Variants in COL21A1 observed in about 807,000 individuals in gnomAD.
The protein encoded by COL21A1 is collagen alpha-1(XXI) chain.
In COL21A1, 149 loss-of-function variants were observed where a neutral mutation model predicts 137.9. That is an observed-to-expected ratio of 1.08 (90% CI 0.95 to 1.24). The LOEUF is 1.24. COL21A1 is among the 50% of genes most tolerant of loss of function. The probability of loss-of-function intolerance (pLI) is 0.00; values close to 1 mark genes in which losing one functional copy is unlikely to be tolerated. For missense variants in COL21A1, 1,167 were observed against 1,158.4 expected (o/e 1.01, Z -0.11); for synonymous variants, 456 against 391.5 (o/e 1.16, Z -1.95).
intron 1 of COL21A1, among the ~76,000 whole-genome samples, chr6:56,216,960 C>A (rs931278879): frequency 3.0e-4 from 45 of 151,934 alleles, no homozygotes; most frequent in Non-Finnish European, 5.3e-4. Flanking sequence ...CCAAAGCAAC[C>A]TACAAGTATT....
rs148872462 is a variant in COL21A1, at chr6:56,169,767, A to G, written c.1026+882T>C. Among the ~76,000 whole-genome samples the G allele has an allele frequency of 4.7e-3, 717 of 152,072 alleles. 11 individuals carry two copies. Among genetic ancestry groups the G allele is most frequent in the African/African-American group, 0.017 (689 of 41,548 alleles). The stretch of plus-strand genomic sequence containing the variant: ...CACATTTTCCCATCCACACTCCACT[A>G]ACACTTTGTACTTCTATTTCATACC... On this transcript the variant is annotated intron_variant, in intron 5 of 29. Coordinates refer to ENST00000244728, the MANE Select transcript of COL21A1 (RefSeq NM_030820.4).
chr6:56,129,058 G>A lies in COL21A1; in HGVS notation c.1543-2909C>T, dbSNP rs146766425. Among the ~76,000 whole-genome samples, 44 of 152,276 alleles carry A rather than the reference G, an allele frequency of 2.9e-4. No individual in the cohort carries two copies. The East Asian group carries it at 6.4e-3, about 22-fold the overall frequency. ...AAATAAACTTTCGTGTTTCTGCTAC[G>A]GTGGAGGACAGATTCACTTGGCTAC... On this transcript the variant is annotated intron_variant, in intron 12 of 29. Transcript: ENST00000244728.
At chr6:56,236,579 G>T (rs1246094656) in intron 1 of COL21A1, among the ~76,000 whole-genome samples, 1 of 151,944 alleles carries the variant, frequency 6.6e-6, no homozygotes. Context: ...CAAAAGGCTG[G>T]GTCAAGCCCC....
At chr6:56,221,663 G>A (rs1351785929) in intron 1 of COL21A1, among the ~76,000 whole-genome samples, 1 of 152,068 alleles carries the variant, frequency 6.6e-6, no homozygotes, top group African/African-American at 2.4e-5. Flanking sequence ...GTTCCAGGCT[G>A]CAGTGAGCCA....
chr6:56,376,741 G>A (rs1015727838), intron 1 of COL21A1, among the ~76,000 whole-genome samples: 3 of 152,072 alleles, frequency 2.0e-5, no homozygotes, highest in African/African-American at 7.2e-5. Context: ...AATAGGATAG[G>A]GGTCTTGAGA....
At chr6:56,205,745 G>A (rs544840417) in intron 1 of COL21A1, among the ~76,000 whole-genome samples, 2 of 152,170 alleles carry the variant, frequency 1.3e-5, no homozygotes, top group Non-Finnish European at 2.9e-5. Flanking sequence ...GAAAGGTTGG[G>A]TTACCCACGA....
intron 10 of COL21A1, among the ~76,000 whole-genome samples, chr6:56,148,338 CAGAGAGAG>C (rs150898619): frequency 5.3e-5 from 7 of 133,176 alleles, no homozygotes; most frequent in African/African-American, 1.7e-4. Context: ...AGACAAGAGA[CAGAGAGAG>C]AGAGAGAGAG....
intron 16 of COL21A1, among the ~76,000 whole-genome samples, chr6:56,118,155 A>G (rs900758210): frequency 2.2e-4 from 33 of 151,856 alleles, no homozygotes; most frequent in African/African-American, 7.5e-4. Context: ...TTTTTTTTGA[A>G]AAGACAAACA....
In COL21A1 at chr6:56,192,583, A is replaced by G. The variant is rs145037727; in HGVS notation, c.-38-9927T>C. 1.5e-3 allele frequency among the ~76,000 whole-genome samples: 235 copies of G among 152,340 alleles called. 1 individual carries two copies. The highest frequency in any genetic ancestry group is 5.4e-3 in the African/African-American group (225 of 41,576). ...TTTATGCAGCCAACAAGCATATGAA[A>G]AAAGCTCATCATTACTGGTCATTAG... On this transcript the variant is annotated intron_variant, in intron 1 of 29. Coordinates refer to ENST00000244728, the MANE Select transcript of COL21A1 (RefSeq NM_030820.4).
chr6:56,160,039 G>T (rs1235062219), intron 9 of COL21A1, among the ~76,000 whole-genome samples: 6 of 152,110 alleles, frequency 3.9e-5, no homozygotes. Context: ...TGTAGGTTCT[G>T]CTATTGCTGT....
chr6:56,108,601 A>C (rs1258053158), intron 16 of COL21A1, among the ~76,000 whole-genome samples: 1 of 151,996 alleles, frequency 6.6e-6, no homozygotes, highest in Non-Finnish European at 1.5e-5. Context: ...AACTACATTC[A>C]TGAAACAGAA....
chr6:56,092,569 A>C (rs1768944525), intron 17 of COL21A1, among the ~76,000 whole-genome samples: 1 of 152,210 alleles, frequency 6.6e-6, no homozygotes, highest in Non-Finnish European at 1.5e-5. Context: ...GATAGTATAG[A>C]AAATATTGAC....
chr6:56,130,165 T>TTATATATATATA lies in COL21A1; in HGVS notation c.1543-4028_1543-4017dup, dbSNP rs201644225. Among the ~76,000 whole-genome samples, 483 of 107,356 alleles carry TTATATATATATA rather than the reference T, an allele frequency of 4.5e-3. 12 individuals are homozygous for TTATATATATATA. Among genetic ancestry groups the TTATATATATATA allele is most frequent in the Non-Finnish European group, 5.9e-3 (310 of 52,766 alleles). The allele number at this position is 107,356 out of a possible 152,430, so 70.4% of individuals were successfully genotyped here. On this transcript the variant is annotated intron_variant, in intron 12 of 29. Coordinates refer to ENST00000244728, the MANE Select transcript of COL21A1 (RefSeq NM_030820.4). ...CCCTGAGAGCATTCATGACAGGGTT[T>TTATATATATATA]TATATATATATATATATATATATAT...
intron 1 of COL21A1, among the ~76,000 whole-genome samples, chr6:56,262,018 T>C (rs1467339720): frequency 6.6e-6 from 1 of 152,228 alleles, no homozygotes; most frequent in East Asian, 1.9e-4. Context: ...CTTGATAAGC[T>C]TACTGTCTCT....
At chr6:56,104,059 T>G (rs998793302) in intron 16 of COL21A1, among the ~76,000 whole-genome samples, 2 of 152,222 alleles carry the variant, frequency 1.3e-5, no homozygotes, top group Non-Finnish European at 1.5e-5. Context: ...AATTTTATTA[T>G]GCTAAGTTGT....
At chr6:56,120,394 A>C (rs979265990) in intron 16 of COL21A1, among the ~76,000 whole-genome samples, 6 of 152,242 alleles carry the variant, frequency 3.9e-5, no homozygotes, top group Non-Finnish European at 8.8e-5. Context: ...AAGGCAAACA[A>C]TAACAAATGC....
chr6:56,273,705 C>T (rs573630012), intron 1 of COL21A1, among the ~76,000 whole-genome samples: 122 of 152,246 alleles, frequency 8.0e-4, no homozygotes, highest in South Asian at 1.5e-3. Context: ...AAACAAATAA[C>T]AAGTTCCAAA....
rs1765811238 is a variant in COL21A1, at chr6:56,061,671, C to T, written c.2183G>A (p.Gly728Asp). The T allele has an allele frequency of 1.3e-6, 2 of 1,580,750 alleles. No homozygotes were observed. The highest frequency in any genetic ancestry group is 2.3e-5 in the South Asian group (2 of 87,620). ...QGIPGQQGIQ[G>D]HHGAKGERGE... ...TACCTCTCCTTTTGCACCATGATGG[C>T]CTTGAATTCCCTTTGAAAATTAATA... Residue 728 changes from glycine to aspartate, a missense_variant, in exon 25 of 30, where the codon GGC becomes GAC. Gly to Asp is a moderately conservative substitution (Grantham distance 94). Coordinates refer to ENST00000244728, the MANE Select transcript of COL21A1 (RefSeq NM_030820.4).
At chr6:56,330,049 T>C (rs1217810128) in intron 1 of COL21A1, among the ~76,000 whole-genome samples, 2 of 152,116 alleles carry the variant, frequency 1.3e-5, no homozygotes, top group African/African-American at 4.8e-5. Flanking sequence ...CTCTATTAGA[T>C]CTTAAAATCA....
Sources: gnomAD v4.1 joint callset for allele counts (sites outside exome capture counted in the v4.1 genomes callset) on GRCh38, gnomAD v4.1.1 for gene constraint, MANE v1.5 for transcripts, NCBI Gene and HGNC (gene_info 2026-07-23, HGNC 2026-07-21) for gene names.